The following AFF3 variants were observed in gnomAD, a reference collection of about 807,000 sequenced individuals.
AFF3 encodes ALF transcription elongation factor 3.
In AFF3, 32 loss-of-function variants were observed where a neutral mutation model predicts 129.7. The ratio of observed to expected loss-of-function variants is 0.25; its 90% CI spans 0.19 to 0.33. The LOEUF is 0.33. AFF3 is among the 10% of genes least tolerant of loss of function. The probability of loss-of-function intolerance (pLI) is 1.00; values close to 1 mark genes in which losing one functional copy is unlikely to be tolerated. For synonymous variants in AFF3, 644 were observed against 635.4 expected (o/e 1.01, Z -0.20); for missense variants, 1,373 against 1,592.0 (o/e 0.86, Z 2.34).
chr2:99,673,370 C>T (rs1261451470), intron 11 of AFF3, among the ~76,000 whole-genome samples: 1 of 152,092 alleles, frequency 6.6e-6, no homozygotes, highest in Non-Finnish European at 1.5e-5. Context: ...ACCCAGGTCC[C>T]CCCATTCATC....
rs373282094 is a variant in AFF3 at position 99,601,477 on chromosome 2, G to A, written c.1329C>T (p.Ser443=). 1.5e-4 allele frequency: 239 copies of A among 1,609,800 alleles called. No homozygotes were observed. The highest frequency in any genetic ancestry group is 1.8e-4 in the Non-Finnish European group (211 of 1,178,340). ...GGGGGGGCTTGCTGCCCTCACTCTC[G>A]CTGGAGCTGCTCTCGGTCTCCGAGT... The part of the protein sequence containing the change: ...GSDSETESSS[S]ESEGSKPPHF... The change falls in exon 14 of 25, where the codon AGC becomes AGT. Residue 443 remains serine (S), a synonymous_variant. Coordinates refer to ENST00000672756, the MANE Select transcript of AFF3 (RefSeq NM_001386135.1).
At chr2:100,002,780 T>C (rs1681545972) in intron 7 of AFF3, among the ~76,000 whole-genome samples, 1 of 152,196 alleles carries the variant, frequency 6.6e-6, no homozygotes, top group South Asian at 2.1e-4. Context: ...CAGAAAACTA[T>C]AAATGTGTAG....
chr2:99,743,718 C>T (rs1680909863), intron 10 of AFF3, among the ~76,000 whole-genome samples: 3 of 152,132 alleles, frequency 2.0e-5, no homozygotes, highest in African/African-American at 7.2e-5. Flanking sequence ...ATTCTAAGGT[C>T]AATTATCTTA....
At chr2:99,773,130 G>A (rs2105335385) in intron 8 of AFF3, among the ~76,000 whole-genome samples, 1 of 152,276 alleles carries the variant, frequency 6.6e-6, no homozygotes, top group Admixed American at 6.5e-5. Context: ...CACTGTTCAG[G>A]AAACACCTGC....
At chr2:100,004,987 G>A (rs1055216385) in intron 7 of AFF3, among the ~76,000 whole-genome samples, 1 of 152,062 alleles carries the variant, frequency 6.6e-6, no homozygotes, top group South Asian at 2.1e-4. Context: ...GGGCAGGCTC[G>A]CTAGTTCAAT....
In AFF3 at chr2:100,064,111, AAAAG is replaced by A. The variant is rs1687526096; in HGVS notation, c.53+40287_53+40290del. Among the ~76,000 whole-genome samples, 9 of 100,060 alleles carry A rather than the reference AAAAG, an allele frequency of 9.0e-5. No homozygotes were observed. The South Asian group carries it at 3.0e-3, about 34-fold the overall frequency. The allele number at this position is 100,060 out of a possible 152,430, so 65.6% of individuals were successfully genotyped here. ...TCTCAAAAAAAAAAGAAAAGAAAAG[AAAAG>A]AAAAGAAAAGAAAAGAAATTCAATC... On this transcript the variant is annotated intron_variant, in intron 4 of 24. Transcript: ENST00000672756.
intron 7 of AFF3, among the ~76,000 whole-genome samples, chr2:99,840,650 G>C (rs1229220326): frequency 6.6e-6 from 1 of 152,122 alleles, no homozygotes; most frequent in Non-Finnish European, 1.5e-5. Context: ...CTTATTACAA[G>C]CTTTCACTCC....
chr2:99,947,749 A>G (rs959749157), intron 7 of AFF3, among the ~76,000 whole-genome samples: 3 of 152,164 alleles, frequency 2.0e-5, no homozygotes. Context: ...GGGAGATCAG[A>G]CGGAGGCATT....
chr2:99,557,444 G>A (rs1281817175), intron 22 of AFF3, among the ~76,000 whole-genome samples: 6 of 152,052 alleles, frequency 3.9e-5, no homozygotes, highest in Admixed American at 2.0e-4. Context: ...CACGCCTGGC[G>A]TGTTTTCTAC....
intron 13 of AFF3, among the ~76,000 whole-genome samples, chr2:99,612,979 G>A (rs1472605412): frequency 6.6e-6 from 1 of 152,208 alleles, no homozygotes; most frequent in East Asian, 1.9e-4. Flanking sequence ...TTTTTGGATG[G>A]TGGAATTATG....
rs1674726062 is a variant in AFF3 at position 99,554,450 on chromosome 2, G to A, written c.3420C>T (p.Ser1140=). ...VGSQGSLSNA[S]ALSPSTIVSI... ...TGACGATGGTCGACGGGGACAGGGC[G>A]CTGGCGTTGGAGAGGCTGCCCTGAG... Residue 1140 remains serine, a synonymous_variant, in exon 24 of 25, where the codon AGC becomes AGT. Transcript: ENST00000672756. 1 of 1,614,058 alleles carries A rather than the reference G, an allele frequency of 6.2e-7. No homozygotes were observed. Among genetic ancestry groups the A allele is most frequent in the South Asian group, 1.1e-5 (1 of 91,084 alleles).
chr2:99,777,341 C>T (rs1009750025), intron 8 of AFF3, among the ~76,000 whole-genome samples: 1 of 152,160 alleles, frequency 6.6e-6, no homozygotes, highest in Non-Finnish European at 1.5e-5. Flanking sequence ...CTTGATCCTA[C>T]TTGACTCCAG....
chr2:99,844,867 G>A (rs565891376), intron 7 of AFF3, among the ~76,000 whole-genome samples: 48 of 151,894 alleles, frequency 3.2e-4, no homozygotes, highest in Admixed American at 6.6e-5. Context: ...TCTCATTTAC[G>A]TGTTTCTGAC....
intron 17 of AFF3, among the ~76,000 whole-genome samples, chr2:99,579,203 C>T (rs982486743): frequency 4.0e-5 from 6 of 151,300 alleles, no homozygotes; most frequent in African/African-American, 1.5e-4. Flanking sequence ...GTCAGGAGTT[C>T]GAGGCCAGAC....
At chr2:99,802,345 T>G (rs1026054577) in intron 8 of AFF3, among the ~76,000 whole-genome samples, 4 of 152,190 alleles carry the variant, frequency 2.6e-5, no homozygotes, top group African/African-American at 7.2e-5. Context: ...GAAGTCTGAC[T>G]GCATTTTTAA....
chr2:99,980,176 C>T (rs1460647869), intron 7 of AFF3, among the ~76,000 whole-genome samples: 1 of 152,176 alleles, frequency 6.6e-6, no homozygotes, highest in African/African-American at 2.4e-5. Flanking sequence ...ATTGTAGTAA[C>T]ATCAGTTGTG....
In AFF3 at chr2:99,582,927, T is replaced by C; in HGVS notation, c.2664A>G (p.Lys888=). The change falls in exon 17 of 25, where the codon AAA becomes AAG. Residue 888 remains lysine, a synonymous_variant. Transcript: ENST00000672756. Reference sequence around the variant, plus strand: ...TTAAGTCCTCGCTGGTGTATTTGTGTTTAGATGCATCAGAGAGGGGTGAGA... The same window carrying C: ...TTAAGTCCTCGCTGGTGTATTTGTGCTTAGATGCATCAGAGAGGGGTGAGA... ...SPISPLSDAS[K]HKYTSEDLTS... 6.2e-7 allele frequency: 1 copy of C among 1,614,132 alleles called. No homozygotes were observed. The highest frequency in any genetic ancestry group is 1.3e-5 in the African/African-American group (1 of 75,036).
intron 13 of AFF3, among the ~76,000 whole-genome samples, chr2:99,635,712 C>T (rs1041136887): frequency 6.6e-6 from 1 of 152,198 alleles, no homozygotes; most frequent in Admixed American, 6.5e-5. Flanking sequence ...ACCCCTAAAC[C>T]TGGCTCTACC....
intron 9 of AFF3, among the ~76,000 whole-genome samples, chr2:99,748,556 C>G (rs1304551667): frequency 6.6e-6 from 1 of 152,176 alleles, no homozygotes; most frequent in Non-Finnish European, 1.5e-5. Flanking sequence ...TCCCCTCCCC[C>G]TGGAATGCTC....
Sources: gnomAD v4.1 joint callset for allele counts (sites outside exome capture counted in the v4.1 genomes callset) on GRCh38, gnomAD v4.1.1 for gene constraint, MANE v1.5 for transcripts, NCBI Gene and HGNC (gene_info 2026-07-23, HGNC 2026-07-21) for gene names.